YPEL2: variants seen among roughly 807,000 people sequenced by gnomAD.
YPEL2 encodes the protein yippee like 2, also known as protein yippee-like 2.
YPEL2 carries 2 observed loss-of-function variants against 19.1 expected under a neutral mutation model. The observed-to-expected ratio is 0.10, with a 90% CI of 0.04 to 0.33. YPEL2 has a LOEUF of 0.33. Ranked by LOEUF, YPEL2 falls within the 10% of genes least tolerant of loss-of-function variation. YPEL2 has a pLI of 1.00. For missense variants in YPEL2, 66 were observed against 140.7 expected, an observed-to-expected ratio of 0.47 and a Z score of 2.68; for synonymous variants, 52 against 50.0, an observed-to-expected ratio of 1.04 and a Z score of -0.17.
At chr17:59,337,613 G>T (rs1166818498) in intron 1 of YPEL2, among the ~76,000 whole-genome samples, 1 of 152,142 alleles carries the variant, frequency 6.6e-6, no homozygotes, top group Admixed American at 6.5e-5. Context: ...TGCTATAAAT[G>T]ATAAATGCTT....
chr17:59,336,633 G>A (rs986126497), intron 1 of YPEL2, among the ~76,000 whole-genome samples: 1 of 152,176 alleles, frequency 6.6e-6, no homozygotes, highest in South Asian at 2.1e-4. Flanking sequence ...GGGAAACCAG[G>A]TACAGAGCCT....
intron 1 of YPEL2, among the ~76,000 whole-genome samples, chr17:59,341,559 G>A (rs571749589): frequency 6.6e-6 from 1 of 151,750 alleles, no homozygotes; most frequent in East Asian, 1.9e-4. Context: ...CTTGGGAGGC[G>A]GAGGCAGGAG....
chr17:59,338,076 A>G (rs545594634), intron 1 of YPEL2, among the ~76,000 whole-genome samples: 2 of 152,342 alleles, frequency 1.3e-5, no homozygotes, highest in East Asian at 3.9e-4. Context: ...TGGATGGCTC[A>G]GCAATACCTG....
In YPEL2 at chr17:59,353,314, G is replaced by A; in HGVS notation, c.-96G>A. The A allele has an allele frequency of 1.1e-6, 1 of 891,768 alleles. No individual in the cohort carries two copies. Among genetic ancestry groups the A allele is most frequent in the East Asian group, 2.4e-5 (1 of 40,930 alleles). The allele number at this position is 891,768 out of a possible 1,614,324, so 55.2% of individuals were successfully genotyped here. A position where few individuals can be genotyped will look rare whatever the true frequency, so the allele number is the denominator to read the frequency against. ...CACACCCACCCGCTGCCAAACCACGGCCTTTACCTGTGTCTTCCGGTGTTT... is the reference window on the plus strand; with the variant it reads ...CACACCCACCCGCTGCCAAACCACGACCTTTACCTGTGTCTTCCGGTGTTT... On this transcript the variant is annotated 5_prime_UTR_variant, in exon 2 of 5. Transcript: ENST00000312655. This position sits in a 1 kb window ranked among gnomAD's most constrained non-coding sequence, Gnocchi z 4.8.
At chr17:59,377,494 A>G (rs988150800) in intron 2 of YPEL2, among the ~76,000 whole-genome samples, 1 of 152,118 alleles carries the variant, frequency 6.6e-6, no homozygotes, top group Non-Finnish European at 1.5e-5. Flanking sequence ...TCTGTAGAGG[A>G]TGGGGATATC....
intron 4 of YPEL2, among the ~76,000 whole-genome samples, chr17:59,394,011 T>G (rs537754170): frequency 1.3e-5 from 2 of 152,366 alleles, no homozygotes; most frequent in African/African-American, 4.8e-5. Flanking sequence ...CATGGCCCGT[T>G]CTCAATGAGC....
intron 1 of YPEL2, among the ~76,000 whole-genome samples, chr17:59,347,933 T>G (rs2047765097): frequency 6.6e-6 from 1 of 151,972 alleles, no homozygotes; most frequent in Non-Finnish European, 1.5e-5. Context: ...TTTTCTTTCT[T>G]TTTTTTTAAG....
At chr17:59,349,358 CTTTTTTTTTT>C (rs58304283) in intron 1 of YPEL2, among the ~76,000 whole-genome samples, 1 of 119,212 alleles carries the variant, frequency 8.4e-6, no homozygotes, top group Admixed American at 8.8e-5. Flanking sequence ...CCTTTTTTTT[CTTTTTTTTTT>C]TTTTTTTTTT....
chr17:59,368,857 T>C (rs368424666), intron 2 of YPEL2, among the ~76,000 whole-genome samples: 2 of 152,210 alleles, frequency 1.3e-5, no homozygotes, highest in East Asian at 3.8e-4. Context: ...CTGTAAACCA[T>C]GTATCCTTGA....
chr17:59,372,969 G>C (rs913528185), intron 2 of YPEL2, among the ~76,000 whole-genome samples: 2 of 152,186 alleles, frequency 1.3e-5, no homozygotes, highest in East Asian at 1.9e-4. Context: ...TGCCTCCCAG[G>C]CTCAAGTGAT....
chr17:59,367,094 G>GT (rs1306556741), intron 2 of YPEL2, among the ~76,000 whole-genome samples: 1 of 152,224 alleles, frequency 6.6e-6, no homozygotes, highest in Admixed American at 6.5e-5. Flanking sequence ...GACAGGAGGA[G>GT]TATGGACTTT....
intron 1 of YPEL2, among the ~76,000 whole-genome samples, chr17:59,334,554 A>G (rs1489842039): frequency 1.4e-5 from 2 of 141,856 alleles, no homozygotes; most frequent in African/African-American, 2.7e-5. Context: ...TGATGCTGTT[A>G]TCTGCCTTCA....
intron 4 of YPEL2, among the ~76,000 whole-genome samples, chr17:59,390,183 G>A (rs2048000650): frequency 6.6e-6 from 1 of 151,908 alleles, no homozygotes; most frequent in South Asian, 2.1e-4. Context: ...TGTATTTTTA[G>A]TAGAGACAGG....
intron 4 of YPEL2, among the ~76,000 whole-genome samples, chr17:59,394,689 C>G (rs557210821): frequency 4.6e-5 from 7 of 152,214 alleles, no homozygotes; most frequent in African/African-American, 1.7e-4. Context: ...GACGGGGTGG[C>G]GGCCGGGCAG....
At chr17:59,359,663 G>T (rs1185596363) in intron 2 of YPEL2, among the ~76,000 whole-genome samples, 1 of 152,136 alleles carries the variant, frequency 6.6e-6, no homozygotes, top group Non-Finnish European at 1.5e-5. Context: ...ATGACATAAT[G>T]ATTTTTACAA....
chr17:59,392,154 C>G (rs1157891282), intron 4 of YPEL2, among the ~76,000 whole-genome samples: 10 of 152,148 alleles, frequency 6.6e-5, no homozygotes, highest in Admixed American at 1.3e-4. Context: ...AAGTTCTGCC[C>G]CTGCCCCTGT....
intron 4 of YPEL2, among the ~76,000 whole-genome samples, chr17:59,390,608 T>A (rs925363969): frequency 9.9e-5 from 15 of 152,252 alleles, no homozygotes; most frequent in Non-Finnish European, 2.2e-4. Context: ...CAATTATTCT[T>A]TCATTGTTTA....
At chr17:59,360,169 C>T (rs59815324) in intron 2 of YPEL2, among the ~76,000 whole-genome samples, 74,047 of 152,022 alleles carry the variant, frequency 0.49, 18,308 homozygotes, top group East Asian at 0.55. Context: ...CTCCGCTTCC[C>T]GGGTTCACGC....
intron 1 of YPEL2, among the ~76,000 whole-genome samples, chr17:59,352,831 C>T (rs2047794054): frequency 6.6e-6 from 1 of 152,196 alleles, no homozygotes. Flanking sequence ...TGAACTTTCC[C>T]TTCTCCTTTA....
Sources: allele counts gnomAD v4.1 joint callset (sites outside exome capture counted in the v4.1 genomes callset), GRCh38; gene constraint gnomAD v4.1.1; non-coding constraint Gnocchi (gnomAD v3.1); transcripts MANE v1.5; gene names NCBI Gene and HGNC (gene_info 2026-07-23, HGNC 2026-07-21).